PDE8A: variants seen among roughly 807,000 people sequenced by gnomAD.
PDE8A encodes the protein high affinity cAMP-specific and IBMX-insensitive 3',5'-cyclic phosphodiesterase 8A.
A neutral mutation model predicts 105.0 loss-of-function variants in PDE8A; 59 were observed. The ratio of observed to expected loss-of-function variants is 0.56; its 90% CI spans 0.46 to 0.70. The LOEUF (loss-of-function observed/expected upper bound fraction) is 0.70, where lower values mean the gene tolerates loss of function less well. PDE8A is among the 30% of genes least tolerant of loss of function. The probability of loss-of-function intolerance (pLI) is 0.00; values close to 1 mark genes in which losing one functional copy is unlikely to be tolerated. For missense variants in PDE8A, 1,014 were observed against 1,045.9 expected, an observed-to-expected ratio of 0.97 and a Z score of 0.42; for synonymous variants, 355 against 371.9, an observed-to-expected ratio of 0.95 and a Z score of 0.52.
At chr15:85,113,823 C>G (rs756649523) in intron 13 of PDE8A, 50 bp from the exon 14 acceptor site, 2 of 1,425,942 alleles carry the variant, frequency 1.4e-6, no homozygotes, top group African/African-American at 2.8e-5. Context: ...CCTGGCTCTC[C>G]CACTGTTTTT....
At chr15:85,086,732 T>C (rs138432491) in intron 6 of PDE8A, among the ~76,000 whole-genome samples, 1 of 151,978 alleles carries the variant, frequency 6.6e-6, no homozygotes, top group East Asian at 1.9e-4. Context: ...CTTCTTACTG[T>C]TTTTTGCTTT....
intron 5 of PDE8A, among the ~76,000 whole-genome samples, chr15:85,081,815 G>T (rs1020283452): frequency 6.6e-6 from 1 of 152,050 alleles, no homozygotes; most frequent in Admixed American, 6.6e-5. Flanking sequence ...TCACATGCTA[G>T]TTTTTTTTAC....
intron 1 of PDE8A, among the ~76,000 whole-genome samples, chr15:85,046,122 C>T (rs1485739206): frequency 2.8e-5 from 4 of 142,526 alleles, no homozygotes; most frequent in Non-Finnish European, 4.5e-5. Context: ...GGCTGGAGTA[C>T]AGTGGCTCTG....
At chr15:85,092,895 A>G (rs908019498) in intron 8 of PDE8A, among the ~76,000 whole-genome samples, 2 of 149,906 alleles carry the variant, frequency 1.3e-5, no homozygotes, top group African/African-American at 4.9e-5. Context: ...AACATCATCA[A>G]ATTATTGACC....
At chr15:85,050,309 A>T (rs910849796) in intron 1 of PDE8A, among the ~76,000 whole-genome samples, 4 of 151,448 alleles carry the variant, frequency 2.6e-5, no homozygotes, top group African/African-American at 9.8e-5. Context: ...ACAAAATTTT[A>T]AAATTTTGAT....
intron 1 of PDE8A, among the ~76,000 whole-genome samples, chr15:85,010,480 G>A (rs1340367331): frequency 2.6e-5 from 4 of 152,190 alleles, no homozygotes; most frequent in Admixed American, 1.3e-4. Flanking sequence ...AGAAGGGAGT[G>A]TGTAGTTTCC....
intron 5 of PDE8A, among the ~76,000 whole-genome samples, chr15:85,076,988 C>T (rs1296888661): frequency 6.6e-6 from 1 of 151,962 alleles, no homozygotes; most frequent in Non-Finnish European, 1.5e-5. Flanking sequence ...CAAGACCAGC[C>T]TGGGCAACAT....
intron 2 of PDE8A, among the ~76,000 whole-genome samples, chr15:85,064,954 A>G (rs938220393): frequency 2.0e-5 from 3 of 152,194 alleles, no homozygotes; most frequent in African/African-American, 7.2e-5. Flanking sequence ...CCTGGGCAAC[A>G]GAGTGAGACC....
chr15:85,017,887 C>CAAAAAAAAAAAGAAA (rs1555466321), intron 1 of PDE8A, among the ~76,000 whole-genome samples: 1 of 81,290 alleles, frequency 1.2e-5, no homozygotes, highest in Non-Finnish European at 2.3e-5. Flanking sequence ...AACTCCGTCT[C>CAAAAAAAAAAAGAAA]AAAAAAAAAA....
chr15:85,108,983 A>T, intron 11 of PDE8A, 70 bp from the exon 12 acceptor site: 1 of 1,084,894 alleles, frequency 9.2e-7, no homozygotes, highest in Non-Finnish European at 1.4e-6. Flanking sequence ...AAAAAATTTT[A>T]GATTGGTAAC....
At chr15:85,024,378 A>G (rs1442273357) in intron 1 of PDE8A, among the ~76,000 whole-genome samples, 3 of 152,186 alleles carry the variant, frequency 2.0e-5, no homozygotes, top group African/African-American at 7.2e-5. Flanking sequence ...CTAGTTTGTA[A>G]TTTCTCTCCT....
chr15:84,992,962 T>G (rs1299822137), intron 1 of PDE8A, among the ~76,000 whole-genome samples: 1 of 152,212 alleles, frequency 6.6e-6, no homozygotes, highest in Non-Finnish European at 1.5e-5. Flanking sequence ...TTCAAGTTTG[T>G]GGTGACCACT....
intron 3 of PDE8A, among the ~76,000 whole-genome samples, chr15:85,074,885 A>G (rs2081360098): frequency 6.6e-6 from 1 of 152,178 alleles, no homozygotes; most frequent in Non-Finnish European, 1.5e-5. Flanking sequence ...CACATTCTCC[A>G]GGAGGCCAGC....
chr15:85,069,776 C>A (rs975845503), intron 3 of PDE8A, among the ~76,000 whole-genome samples: 1 of 152,194 alleles, frequency 6.6e-6, no homozygotes, highest in Admixed American at 6.5e-5. Context: ...CTGATGGCCA[C>A]ATCACAGCCT....
At position 85,121,007 on chromosome 15, in the gene PDE8A, A is replaced by G; in HGVS notation, c.1945A>G (p.Met649Val). 1 of 1,600,338 alleles carries G rather than the reference A, an allele frequency of 6.2e-7. No homozygotes were observed. The highest frequency in any genetic ancestry group is 8.6e-7 in the Non-Finnish European group (1 of 1,169,238). ...GDDKCNIFKNMERNDYRTLRQ... is the reference protein window; with the variant it reads ...GDDKCNIFKNVERNDYRTLRQ... ...TGATAAATGCAATATATTTAAAAAC[A>G]TGGAGAGGTAAGAACAATGATTGGG... The change falls in exon 18 of 22, where the codon ATG (methionine) becomes GTG (valine). Residue 649 changes from methionine to valine, a missense_variant. Physicochemically the swap from Met to Val is conservative, Grantham distance 21. Coordinates refer to ENST00000394553, the MANE Select transcript of PDE8A (RefSeq NM_002605.3).
chr15:85,065,541 G>C (rs769090508), intron 2 of PDE8A, among the ~76,000 whole-genome samples: 9 of 151,058 alleles, frequency 6.0e-5, no homozygotes, highest in African/African-American at 2.2e-4. Context: ...CATGCTCCCC[G>C]CACATGAACA....
intron 20 of PDE8A, among the ~76,000 whole-genome samples, chr15:85,133,937 A>G (rs1337810804): frequency 1.3e-5 from 2 of 152,130 alleles, no homozygotes; most frequent in Admixed American, 1.3e-4. Flanking sequence ...GGTGTTGTAC[A>G]GTCTTTTATT....
chr15:85,127,112 G>A (rs140084979), intron 20 of PDE8A, among the ~76,000 whole-genome samples: 120 of 152,190 alleles, frequency 7.9e-4, no homozygotes, highest in African/African-American at 2.7e-3. Flanking sequence ...CAGGAGGATC[G>A]CTTGAAGCCC....
rs148476612 is a variant in PDE8A at position 85,072,914 on chromosome 15, A to T, written c.435-2948A>T. ...GATTGCTTGAGCCCAGGAGTTCGAGACCAGCTTGAGCCACATGGTGAAACC... is the reference window on the plus strand; with the variant it reads ...GATTGCTTGAGCCCAGGAGTTCGAGTCCAGCTTGAGCCACATGGTGAAACC... On this transcript the variant is annotated intron_variant, in intron 3 of 21. Transcript: ENST00000394553. Among the ~76,000 whole-genome samples the T allele has an allele frequency of 2.6e-4, 39 of 152,218 alleles. No individual in the cohort carries two copies. The East Asian group carries it at 7.5e-3, about 29-fold the overall frequency.
Sources: gnomAD v4.1 joint callset for allele counts (sites outside exome capture counted in the v4.1 genomes callset) on GRCh38, gnomAD v4.1.1 for gene constraint, MANE v1.5 for transcripts, NCBI Gene and HGNC (gene_info 2026-07-23, HGNC 2026-07-21) for gene names.